Variants in PTPRQ observed in about 807,000 individuals in gnomAD.
PTPRQ encodes protein tyrosine phosphatase receptor type Q.
PTPRQ carries 199 observed loss-of-function variants against 246.0 expected under a neutral mutation model. That is an observed-to-expected ratio of 0.81 (90% CI 0.72 to 0.91). The LOEUF (loss-of-function observed/expected upper bound fraction) is 0.91, where lower values mean the gene tolerates loss of function less well. PTPRQ is among the 40% of genes least tolerant of loss of function. PTPRQ has a pLI of 0.00. For synonymous variants in PTPRQ, 869 were observed against 853.2 expected (o/e 1.02, Z -0.32); for missense variants, 2,624 against 2,528.4 (o/e 1.04, Z -0.81).
In PTPRQ at chr12:80,588,370, G is replaced by T; in HGVS notation, c.4527G>T (p.Trp1509Cys). The change falls in exon 26 of 45, where the codon TGG (tryptophan) becomes TGT (cysteine). Residue 1509 changes from tryptophan to cysteine, a missense_variant. Physicochemically the swap from Trp to Cys is radical, Grantham distance 215. Transcript: ENST00000644991. ...TATATGGATTAAAGAAATTTAGATG[G>T]TATAGATTCCAAGTGGCTGCCAGCA... ...ETVYGLKKFR[W>C]YRFQVAASTN... 6.5e-7 allele frequency: 1 copy of T among 1,539,210 alleles called. No individual in the cohort carries two copies.
At chr12:80,583,888 C>G (rs1897527532) in intron 25 of PTPRQ, 1 of 152,174 alleles carries the variant, frequency 6.6e-6, no homozygotes, top group South Asian at 2.1e-4. Context: ...TTGAGAGCCC[C>G]TTCCCTGGCT....
chr12:80,516,090 G>T (rs1895291160), intron 17 of PTPRQ, among the ~76,000 whole-genome samples: 1 of 151,968 alleles, frequency 6.6e-6, no homozygotes. Context: ...AATTCCTAGG[G>T]CAACCACCAT....
chr12:80,642,918 T>TCAAAAAAAAAAAA (rs1400331385), intron 35 of PTPRQ, among the ~76,000 whole-genome samples: 1 of 69,390 alleles, frequency 1.4e-5, no homozygotes, highest in Non-Finnish European at 2.3e-5. Flanking sequence ...AGACTCCGTC[T>TCAAAAAAAAAAAA]TAAAAAAAAA....
intron 17 of PTPRQ, among the ~76,000 whole-genome samples, chr12:80,520,264 C>G (rs1895432106): frequency 6.6e-6 from 1 of 152,048 alleles, no homozygotes. Context: ...GGCGGTTTCC[C>G]CCATACTGTT....
intron 39 of PTPRQ, among the ~76,000 whole-genome samples, chr12:80,658,697 GTT>G (rs879759285): frequency 6.6e-6 from 1 of 151,146 alleles, no homozygotes; most frequent in East Asian, 1.9e-4. Context: ...CAGTTGTTGG[GTT>G]TTTTTTTAAC....
chr12:80,561,235 G>C (rs1381411907), intron 25 of PTPRQ: 4 of 152,198 alleles, frequency 2.6e-5, no homozygotes, highest in African/African-American at 4.8e-5. Flanking sequence ...TGAAAAATTA[G>C]GTGGTGTGAG....
At chr12:80,631,058 A>G (rs1234092021) in intron 33 of PTPRQ, among the ~76,000 whole-genome samples, 1 of 152,154 alleles carries the variant, frequency 6.6e-6, no homozygotes, top group African/African-American at 2.4e-5. Context: ...ACATTTATGC[A>G]GCAAAATTAT....
At chr12:80,673,051 C>A in intron 42 of PTPRQ, 118 bp from the exon 43 acceptor site, 1 of 1,383,648 alleles carries the variant, frequency 7.2e-7, no homozygotes, top group South Asian at 1.7e-5. Flanking sequence ...GAAAATCTGC[C>A]TCCAAATAAG....
intron 43 of PTPRQ, 125 bp from the exon 44 acceptor site, chr12:80,678,477 T>A: frequency 1.7e-6 from 2 of 1,191,764 alleles, no homozygotes; most frequent in Non-Finnish European, 2.2e-6. Context: ...TATGATAAAT[T>A]CTGTGTCTGT....
At chr12:80,607,862 T>C (rs1270386799) in intron 27 of PTPRQ, among the ~76,000 whole-genome samples, 2 of 150,808 alleles carry the variant, frequency 1.3e-5, no homozygotes, top group Non-Finnish European at 3.0e-5. Context: ...ACTGAACAAA[T>C]TGTTATGAGT....
intron 26 of PTPRQ, among the ~76,000 whole-genome samples, chr12:80,594,871 T>G (rs1897918107): frequency 6.6e-6 from 1 of 152,168 alleles, no homozygotes; most frequent in Admixed American, 6.6e-5. Flanking sequence ...GCTCTCATTT[T>G]CTACCATTCA....
chr12:80,605,847 G>A (rs1178805331), intron 27 of PTPRQ, among the ~76,000 whole-genome samples: 1 of 151,072 alleles, frequency 6.6e-6, no homozygotes, highest in Non-Finnish European at 1.5e-5. Flanking sequence ...TGGGGTGCCA[G>A]TTGGTGATAC....
intron 16 of PTPRQ, among the ~76,000 whole-genome samples, chr12:80,508,047 C>A (rs1303142682): frequency 3.9e-5 from 6 of 151,938 alleles, no homozygotes; most frequent in African/African-American, 1.4e-4. Context: ...TTTGAGCAGG[C>A]AGACGTTTTA....
intron 25 of PTPRQ, chr12:80,561,396 A>T (rs1896821485): frequency 6.5e-6 from 1 of 152,712 alleles, no homozygotes; most frequent in South Asian, 2.1e-4. Context: ...GCCAGGTGGG[A>T]TGGGCTTCAA....
intron 17 of PTPRQ, among the ~76,000 whole-genome samples, chr12:80,523,832 G>A (rs942608300): frequency 2.6e-5 from 4 of 152,200 alleles, no homozygotes; most frequent in African/African-American, 2.4e-5. Context: ...TGAAAAGAAT[G>A]CATATTCTGT....
At chr12:80,578,495 A>C (rs903939216) in intron 25 of PTPRQ, among the ~76,000 whole-genome samples, 2 of 151,740 alleles carry the variant, frequency 1.3e-5, no homozygotes, top group Non-Finnish European at 2.9e-5. Context: ...GGTTCATGCC[A>C]TTCTCCTGCC....
intron 25 of PTPRQ, among the ~76,000 whole-genome samples, chr12:80,553,872 A>G (rs1266875131): frequency 1.3e-5 from 2 of 152,230 alleles, no homozygotes; most frequent in Non-Finnish European, 2.9e-5. Flanking sequence ...AATTGATTCA[A>G]AATGCACTTA....
At chr12:80,534,613 A>G (rs1668335129) in intron 18 of PTPRQ, among the ~76,000 whole-genome samples, 1 of 152,014 alleles carries the variant, frequency 6.6e-6, no homozygotes, top group Non-Finnish European at 1.5e-5. Flanking sequence ...CTGTTATAAT[A>G]TTGTTCTCAT....
chr12:80,553,587 G>C (rs1430271880), intron 25 of PTPRQ, among the ~76,000 whole-genome samples: 2 of 151,946 alleles, frequency 1.3e-5, no homozygotes, highest in Admixed American at 6.6e-5. Context: ...GACCTTCCAG[G>C]GATTATTGGG....
Sources: gnomAD v4.1 joint callset for allele counts (sites outside exome capture counted in the v4.1 genomes callset) on GRCh38, gnomAD v4.1.1 for gene constraint, MANE v1.5 for transcripts, NCBI Gene and HGNC (gene_info 2026-07-23, HGNC 2026-07-21) for gene names.